Variants in PLA2G6 observed in about 807,000 individuals in gnomAD.
PLA2G6 encodes the protein 85/88 kDa calcium-independent phospholipase A2.
A neutral mutation model predicts 83.8 loss-of-function variants in PLA2G6; 62 were observed. The observed-to-expected ratio is 0.74, with a 90% CI of 0.60 to 0.91. The LOEUF (loss-of-function observed/expected upper bound fraction) is 0.91, where lower values mean the gene tolerates loss of function less well. Ranked by LOEUF, PLA2G6 falls within the 40% of genes least tolerant of loss-of-function variation. The probability of loss-of-function intolerance (pLI) is 0.00; values close to 1 mark genes in which losing one functional copy is unlikely to be tolerated. For synonymous variants in PLA2G6, 417 were observed against 449.8 expected, an observed-to-expected ratio of 0.93 and a Z score of 0.92; for missense variants, 944 against 1,102.0, an observed-to-expected ratio of 0.86 and a Z score of 2.03.
At chr22:38,152,752 G>C (rs758532391) in intron 2 of PLA2G6, among the ~76,000 whole-genome samples, 1 of 152,198 alleles carries the variant, frequency 6.6e-6, no homozygotes, top group Non-Finnish European at 1.5e-5. Flanking sequence ...ATATGAGAGA[G>C]ACTCTTGGAG....
intron 14 of PLA2G6, among the ~76,000 whole-genome samples, chr22:38,114,684 T>A (rs1363710116): frequency 1.3e-5 from 2 of 152,190 alleles, no homozygotes; most frequent in Non-Finnish European, 2.9e-5. Context: ...AGGGCGCTTC[T>A]CTGTCTGCCC....
At position 38,115,605 on chromosome 22, in the gene PLA2G6, G is replaced by T. The variant is rs779376537; in HGVS notation, c.1956C>A (p.Asp652Glu). ...TGGGGTTGTTGGCCAGCAGCCCACC[G>T]TCCAGGAAGCGCCCATTGGGTCGGA... ...TYFRPNGRFL[D>E]GGLLANNPTL... is the part of the protein sequence containing the mutation. Residue 652 changes from aspartate (D) to glutamate (E), a missense_variant, in exon 14 of 17, where the codon GAC becomes GAA. By Grantham distance (45) the Asp-to-Glu change is conservative. Coordinates refer to ENST00000332509, the MANE Select transcript of PLA2G6 (RefSeq NM_003560.4). 1 of 1,612,638 alleles carries T rather than the reference G, an allele frequency of 6.2e-7. No individual in the cohort carries two copies. The highest frequency in any genetic ancestry group is 1.7e-5 in the Admixed American group (1 of 59,864).
At chr22:38,169,625 AAG>A (rs2090357743) in intron 1 of PLA2G6, among the ~76,000 whole-genome samples, 154 bp from the exon 2 acceptor site, 1 of 152,204 alleles carries the variant, frequency 6.6e-6, no homozygotes, top group Non-Finnish European at 1.5e-5. Flanking sequence ...AGGGGAAAGA[AAG>A]AGAAACAACA....
chr22:38,145,771 C>T, intron 2 of PLA2G6, 118 bp from the exon 3 acceptor site: 2 of 635,798 alleles, frequency 3.1e-6, no homozygotes, highest in Non-Finnish European at 5.6e-6. Flanking sequence ...CAGCCCGACT[C>T]CCCTCCCAAG....
At position 38,123,381 on chromosome 22, in the gene PLA2G6, G is replaced by T; in HGVS notation, c.1428-123C>A. 2 of 1,023,622 alleles carry T rather than the reference G, an allele frequency of 2.0e-6. No homozygotes were observed. The highest frequency in any genetic ancestry group is 3.0e-6 in the Non-Finnish European group (2 of 677,610). 63.4% of individuals were successfully genotyped at this position (1,023,622 alleles called of 1,614,324 possible). A position where few individuals can be genotyped will look rare whatever the true frequency, so the allele number is the denominator to read the frequency against. ...GCAGACAGACCCAGACGGACCCGAG[G>T]AACTTCTGTCCTATGCAGGACAGCG... On this transcript the variant is annotated intron_variant, in intron 10 of 16. Transcript: ENST00000332509. This position sits in a 1 kb window ranked among gnomAD's most constrained non-coding sequence, Gnocchi z 4.1.
chr22:38,163,834 A>G (rs984114002), intron 2 of PLA2G6, among the ~76,000 whole-genome samples: 7 of 151,904 alleles, frequency 4.6e-5, no homozygotes, highest in Non-Finnish European at 7.4e-5. Context: ...ATGTGGGAGG[A>G]CTGAATGGAT....
intron 7 of PLA2G6, 138 bp from the exon 8 acceptor site, chr22:38,129,700 C>T: frequency 2.8e-6 from 2 of 714,224 alleles, no homozygotes; most frequent in South Asian, 3.0e-5. Context: ...GAACCCTCCT[C>T]ACCCCCACCC....
chr22:38,167,227 CAAA>C (rs132983), intron 2 of PLA2G6, among the ~76,000 whole-genome samples: 5 of 107,616 alleles, frequency 4.6e-5, no homozygotes, highest in Non-Finnish European at 3.8e-5. Flanking sequence ...GACTCTGTCT[CAAA>C]AAAAAAAAAA....
chr22:38,155,524 G>T (rs570296277), intron 2 of PLA2G6, among the ~76,000 whole-genome samples: 1 of 152,200 alleles, frequency 6.6e-6, no homozygotes, highest in East Asian at 1.9e-4. Flanking sequence ...AAAAAGTGGG[G>T]GGACAAAGTT....
intron 2 of PLA2G6, chr22:38,147,808 T>TC (rs2145841508): frequency 6.6e-6 from 1 of 152,512 alleles, no homozygotes; most frequent in Admixed American, 6.5e-5. Context: ...CATCTTGGTC[T>TC]CCCAAAGTGC....
chr22:38,114,540 T>C (rs1333518811), intron 14 of PLA2G6, among the ~76,000 whole-genome samples: 3 of 152,180 alleles, frequency 2.0e-5, no homozygotes, highest in East Asian at 1.9e-4. Context: ...CTGGATGATC[T>C]TGGGTGATGC....
intron 4 of PLA2G6, chr22:38,140,470 T>C (rs893002151): frequency 9.8e-5 from 38 of 388,376 alleles, no homozygotes; most frequent in Non-Finnish European, 1.5e-4. Flanking sequence ...ATTGCATCAT[T>C]GCACTCTAGC....
At chr22:38,117,118 C>G (rs150146549) in intron 12 of PLA2G6, among the ~76,000 whole-genome samples, 8 of 139,216 alleles carry the variant, frequency 5.7e-5, no homozygotes, top group Admixed American at 5.3e-4. Context: ...AACTATTATA[C>G]TAACTCTTCC....
intron 2 of PLA2G6, among the ~76,000 whole-genome samples, chr22:38,154,917 A>T (rs1250507704): frequency 1.3e-5 from 2 of 152,216 alleles, no homozygotes; most frequent in Admixed American, 6.5e-5. Context: ...CTTAGCAAAG[A>T]GATTGAAATA....
At chr22:38,158,971 G>A (rs1330675792) in intron 2 of PLA2G6, among the ~76,000 whole-genome samples, 1 of 152,110 alleles carries the variant, frequency 6.6e-6, no homozygotes, top group Non-Finnish European at 1.5e-5. Flanking sequence ...GGCCGAGGCG[G>A]GTGGATCATC....
intron 1 of PLA2G6, among the ~76,000 whole-genome samples, chr22:38,170,424 C>T (rs561076718): frequency 2.0e-4 from 31 of 152,080 alleles, no homozygotes; most frequent in Admixed American, 8.5e-4. Flanking sequence ...GAACGAACTG[C>T]ACCTTCTGCA....
chr22:38,147,986 G>T (rs1006490616), intron 2 of PLA2G6: 1 of 160,628 alleles, frequency 6.2e-6, no homozygotes, highest in Admixed American at 5.9e-5. Flanking sequence ...TAGGGAAGGA[G>T]GAGGCGGAAG....
intron 1 of PLA2G6, among the ~76,000 whole-genome samples, chr22:38,176,577 AC>A (rs2145963694): frequency 6.6e-6 from 1 of 152,264 alleles, no homozygotes; most frequent in East Asian, 1.9e-4. Flanking sequence ...CTCAGGGTCC[AC>A]TCAGAGTGCC....
intron 6 of PLA2G6, chr22:38,133,288 C>G: frequency 1.8e-6 from 1 of 547,314 alleles, no homozygotes; most frequent in Non-Finnish European, 3.3e-6. Context: ...AGAACCCACT[C>G]TCCTTGCAAA....
Sources: gnomAD v4.1 joint callset for allele counts (sites outside exome capture counted in the v4.1 genomes callset) on GRCh38, gnomAD v4.1.1 for gene constraint, Gnocchi (gnomAD v3.1) non-coding constraint, MANE v1.5 for transcripts, NCBI Gene and HGNC (gene_info 2026-07-23, HGNC 2026-07-21) for gene names.